ELOVL7: variants seen among roughly 807,000 people sequenced by gnomAD.
ELOVL7 encodes very long chain fatty acid elongase 7.
A neutral mutation model predicts 35.7 loss-of-function variants in ELOVL7; 27 were observed. The observed-to-expected ratio is 0.76, with a 90% CI of 0.56 to 1.04. The LOEUF is 1.04. ELOVL7 is among the 50% of genes least tolerant of loss of function. The probability of loss-of-function intolerance (pLI) is 0.00; values close to 1 mark genes in which losing one functional copy is unlikely to be tolerated. For missense variants in ELOVL7, 327 were observed against 340.8 expected, an observed-to-expected ratio of 0.96 and a Z score of 0.32; for synonymous variants, 113 against 114.6, an observed-to-expected ratio of 0.99 and a Z score of 0.09.
intron 3 of ELOVL7, among the ~76,000 whole-genome samples, chr5:60,786,207 T>C (rs1467384511): frequency 2.6e-5 from 4 of 152,252 alleles, no homozygotes; most frequent in Admixed American, 1.3e-4. Flanking sequence ...AACTGTAAAA[T>C]GAGGCATTAG....
At chr5:60,791,711 G>A (rs536717377) in intron 2 of ELOVL7, among the ~76,000 whole-genome samples, 1 of 152,068 alleles carries the variant, frequency 6.6e-6, no homozygotes, top group Non-Finnish European at 1.5e-5. Context: ...CTTAGTATGA[G>A]TGTTTGAGAC....
intron 8 of ELOVL7, 43 bp downstream of exon 8, chr5:60,757,466 C>T: frequency 6.3e-7 from 1 of 1,596,370 alleles, no homozygotes; most frequent in Non-Finnish European, 8.6e-7. Context: ...ACAAGTGACT[C>T]TAGCTGCTTC....
chr5:60,766,864 C>T (rs896761790), intron 5 of ELOVL7, among the ~76,000 whole-genome samples: 2 of 152,184 alleles, frequency 1.3e-5, no homozygotes, highest in Non-Finnish European at 2.9e-5. Context: ...ACATCCCATT[C>T]TCCCTCTCTA....
intron 2 of ELOVL7, among the ~76,000 whole-genome samples, chr5:60,793,188 GTAGT>G (rs1217510427): frequency 1.3e-5 from 2 of 152,214 alleles, no homozygotes; most frequent in Middle Eastern, 3.2e-3. Context: ...TCTCAATGCA[GTAGT>G]TAAAGAGGTT....
At chr5:60,773,811 T>C (rs1002374432) in intron 3 of ELOVL7, among the ~76,000 whole-genome samples, 3 of 152,342 alleles carry the variant, frequency 2.0e-5, no homozygotes, top group East Asian at 1.9e-4. Flanking sequence ...CCACAAAGAA[T>C]TGGGGAATAC....
intron 2 of ELOVL7, among the ~76,000 whole-genome samples, chr5:60,789,802 A>G (rs528558443): frequency 6.6e-6 from 1 of 152,320 alleles, no homozygotes; most frequent in African/African-American, 2.4e-5. Context: ...GAACCTCTCC[A>G]TGTACTGATA....
At position 60,824,270 on chromosome 5, in the gene ELOVL7, TG is replaced by T. The variant is rs536073194; in HGVS notation, c.-86+19889del. Among the ~76,000 whole-genome samples the T allele has an allele frequency of 1.5e-4, 23 of 152,292 alleles. No individual in the cohort carries two copies. In the South Asian group the frequency reaches 4.8e-3, roughly 32 times the overall value. Reference sequence around the variant, plus strand: ...GAACAGCCAGAGACCTTTACAGTGCTGTAAAGGTTATCACAGTTGAGTCACA... The same window carrying T: ...GAACAGCCAGAGACCTTTACAGTGCTTAAAGGTTATCACAGTTGAGTCACA... On this transcript the variant is annotated intron_variant, in intron 1 of 8. Coordinates refer to ENST00000508821, the MANE Select transcript of ELOVL7 (RefSeq NM_024930.3).
At chr5:60,804,925 A>G (rs1386540092) in intron 1 of ELOVL7, among the ~76,000 whole-genome samples, 1 of 152,344 alleles carries the variant, frequency 6.6e-6, no homozygotes, top group East Asian at 1.9e-4. Flanking sequence ...TGGTTCCTAA[A>G]TTCAAACAAC....
At chr5:60,813,695 T>A (rs6877757) in intron 1 of ELOVL7, among the ~76,000 whole-genome samples, 118,791 of 151,864 alleles carry the variant, frequency 0.78, 46,699 homozygotes, top group East Asian at 0.91. Context: ...CAGAGAACAC[T>A]TGTTAAAAGA....
At chr5:60,805,153 G>C (rs1288075160) in intron 1 of ELOVL7, among the ~76,000 whole-genome samples, 2 of 152,306 alleles carry the variant, frequency 1.3e-5, no homozygotes, top group African/African-American at 4.8e-5. Flanking sequence ...GCACAGCTGA[G>C]AGAAAGGAGA....
intron 6 of ELOVL7, among the ~76,000 whole-genome samples, chr5:60,766,349 G>A (rs1742234611): frequency 6.6e-6 from 1 of 152,270 alleles, no homozygotes; most frequent in East Asian, 1.9e-4. Flanking sequence ...AAACTTTATA[G>A]AGTTTGCAAA....
chr5:60,761,952 G>A (rs1053819577), intron 7 of ELOVL7, among the ~76,000 whole-genome samples: 5 of 152,024 alleles, frequency 3.3e-5, no homozygotes, highest in Admixed American at 1.3e-4. Flanking sequence ...GATCGAAGGG[G>A]GCTCGGTTAG....
intron 4 of ELOVL7, chr5:60,768,590 A>C (rs6449497): frequency 2.3e-6 from 1 of 425,588 alleles, no homozygotes; most frequent in African/African-American, 2.0e-5. Context: ...GACAAGAAAG[A>C]GCCTATTGTT....
At chr5:60,758,232 C>A (rs1461579039) in intron 7 of ELOVL7, among the ~76,000 whole-genome samples, 1 of 152,118 alleles carries the variant, frequency 6.6e-6, no homozygotes, top group African/African-American at 2.4e-5. Context: ...CTCTTTTGTA[C>A]CTGGTACATA....
intron 1 of ELOVL7, among the ~76,000 whole-genome samples, chr5:60,829,342 G>A (rs1216794400): frequency 6.6e-6 from 1 of 151,972 alleles, no homozygotes; most frequent in Non-Finnish European, 1.5e-5. Flanking sequence ...AGGGATATCT[G>A]TTTTCTTTGA....
chr5:60,809,462 C>T (rs376788583), intron 1 of ELOVL7, among the ~76,000 whole-genome samples: 70 of 152,274 alleles, frequency 4.6e-4, no homozygotes, highest in African/African-American at 1.5e-3. Flanking sequence ...CTAGCTGTGA[C>T]GACTGAGGTT....
chr5:60,769,313 G>A (rs912295492), intron 4 of ELOVL7, among the ~76,000 whole-genome samples: 6 of 152,156 alleles, frequency 3.9e-5, no homozygotes, highest in Admixed American at 1.3e-4. Flanking sequence ...GTAACGCTCT[G>A]TGGCCAGGAG....
At chr5:60,774,997 C>CTCGTGAT (rs767378477) in intron 3 of ELOVL7, among the ~76,000 whole-genome samples, 5 of 152,124 alleles carry the variant, frequency 3.3e-5, no homozygotes, top group Non-Finnish European at 5.9e-5. Flanking sequence ...AACTCCTGAC[C>CTCGTGAT]TCGTGATCTG....
At position 60,843,858 on chromosome 5, in the gene ELOVL7, G is replaced by A. The variant is rs369310347; in HGVS notation, c.-86+302C>T. Among the ~76,000 whole-genome samples, 7 of 152,118 alleles carry A rather than the reference G, an allele frequency of 4.6e-5. No homozygotes were observed. The South Asian group carries it at 1.5e-3, about 32-fold the overall frequency. ...CCCTTCGGGATGCTGCCGGGTGGGG[G>A]CTCCCGAGAAGGCGCAGGTGAGCGC... is the stretch of plus-strand genomic sequence containing the variant. On this transcript the variant is annotated intron_variant, in intron 1 of 8. Coordinates refer to ENST00000508821, the MANE Select transcript of ELOVL7 (RefSeq NM_024930.3).
Sources: allele counts gnomAD v4.1 joint callset (sites outside exome capture counted in the v4.1 genomes callset), GRCh38; gene constraint gnomAD v4.1.1; transcripts MANE v1.5; gene names NCBI Gene and HGNC (gene_info 2026-07-23, HGNC 2026-07-21).